Variants in MCHR2 observed in about 807,000 individuals in gnomAD.
MCHR2 encodes melanin concentrating hormone receptor 2, also known as melanin-concentrating hormone receptor 2.
In MCHR2, 15 loss-of-function variants were observed where a neutral mutation model predicts 24.8. That is an observed-to-expected ratio of 0.60 (90% CI 0.40 to 0.93). MCHR2 has a LOEUF of 0.93. Among genes scored for constraint, MCHR2 ranks in the 40% least tolerant of loss-of-function variants. The probability of loss-of-function intolerance (pLI) is 0.00; values close to 1 mark genes in which losing one functional copy is unlikely to be tolerated. For synonymous variants in MCHR2, 151 were observed against 147.6 expected, an observed-to-expected ratio of 1.02 and a Z score of -0.17; for missense variants, 386 against 408.7, an observed-to-expected ratio of 0.94 and a Z score of 0.48.
chr6:99,927,454 C>T (rs1183075500), intron 5 of MCHR2, among the ~76,000 whole-genome samples: 1 of 152,154 alleles, frequency 6.6e-6, no homozygotes, highest in African/African-American at 2.4e-5. Context: ...GATGTTGATT[C>T]TTCCTACCCA....
At position 99,927,698 on chromosome 6, in the gene MCHR2, T is replaced by C. The variant is rs61298210; in HGVS notation, c.708-6443A>G. Reference sequence around the variant, plus strand: ...TGTACGTTGATTTTGTATCCTGAGATTTTGCTGAAGTTGCTTATCAGCTTA... The same window carrying C: ...TGTACGTTGATTTTGTATCCTGAGACTTTGCTGAAGTTGCTTATCAGCTTA... On this transcript the variant is annotated intron_variant, in intron 5 of 5. Transcript: ENST00000281806. Among the ~76,000 whole-genome samples, 1,260 of 152,022 alleles carry C rather than the reference T, an allele frequency of 8.3e-3. 18 individuals are homozygous for C. Among genetic ancestry groups the C allele is most frequent in the African/African-American group, 0.029 (1,216 of 41,432 alleles).
chr6:99,928,960 C>T (rs1774436718), intron 5 of MCHR2, among the ~76,000 whole-genome samples: 1 of 152,006 alleles, frequency 6.6e-6, no homozygotes, highest in Non-Finnish European at 1.5e-5. Context: ...TTCCTGCTTT[C>T]TCTTGTGGGC....
At chr6:99,947,635 C>T in intron 3 of MCHR2, 127 bp downstream of exon 3, 1 of 842,908 alleles carries the variant, frequency 1.2e-6, no homozygotes, top group Non-Finnish European at 1.8e-6. Context: ...GTAATCAGTT[C>T]TACAGTGAAA....
At chr6:99,933,234 C>A (rs1392537644) in intron 5 of MCHR2, among the ~76,000 whole-genome samples, 1 of 152,052 alleles carries the variant, frequency 6.6e-6, no homozygotes, top group Admixed American at 6.6e-5. Flanking sequence ...TATCATTCCT[C>A]TAATTTTTTG....
chr6:99,956,575 G>C (rs1409520803), intron 1 of MCHR2, among the ~76,000 whole-genome samples: 1 of 152,022 alleles, frequency 6.6e-6, no homozygotes, highest in African/African-American at 2.4e-5. Flanking sequence ...TATCCTCTCT[G>C]TCTGCTATAA....
intron 1 of MCHR2, among the ~76,000 whole-genome samples, chr6:99,959,160 A>G (rs1214403596): frequency 4.0e-5 from 6 of 151,308 alleles, no homozygotes; most frequent in African/African-American, 9.8e-5. Flanking sequence ...GATGCCTGGA[A>G]GGCCACTGGG....
At chr6:99,972,937 T>A (rs1441387312) in intron 1 of MCHR2, among the ~76,000 whole-genome samples, 1 of 152,236 alleles carries the variant, frequency 6.6e-6, no homozygotes, top group African/African-American at 2.4e-5. Flanking sequence ...CAGTTTGTTA[T>A]AATTTCTGTT....
chr6:99,956,004 C>T lies in MCHR2; in HGVS notation c.144G>A (p.Gly48=), dbSNP rs141668165. Residue 48 remains glycine (G), a synonymous_variant, in exon 2 of 6, where the codon GGG becomes GGA. Coordinates refer to ENST00000281806, the MANE Select transcript of MCHR2 (RefSeq NM_001040179.2). The stretch of plus-strand genomic sequence containing the variant: ...ATACAATGAGGATGTTGCCAACCAG[C>T]CCTGTTGAACAGATAATCCCAATCA... The part of the protein sequence containing the change: ...PSMIGIICST[G]LVGNILIVFT... The T allele has an allele frequency of 6.2e-7, 1 of 1,611,078 alleles. No individual in the cohort carries two copies. The highest frequency in any genetic ancestry group is 2.2e-5 in the East Asian group (1 of 44,748).
At chr6:99,921,826 G>A (rs982357259) in intron 5 of MCHR2, among the ~76,000 whole-genome samples, 6 of 152,190 alleles carry the variant, frequency 3.9e-5, no homozygotes, top group Admixed American at 1.3e-4. Flanking sequence ...ATGTCCATGA[G>A]TAAAATTGTT....
intron 1 of MCHR2, among the ~76,000 whole-genome samples, chr6:99,986,328 C>A (rs553951092): frequency 6.6e-6 from 1 of 152,134 alleles, no homozygotes; most frequent in East Asian, 1.9e-4. Flanking sequence ...TGGGTATCTA[C>A]CCCTAAAAAA....
rs184217643 is a variant in MCHR2 at position 99,977,060 on chromosome 6, T to A, written c.-28+16876A>T. 2.6e-5 allele frequency among the ~76,000 whole-genome samples: 4 copies of A among 152,356 alleles called. No homozygotes were observed. In the East Asian group the frequency reaches 7.7e-4, roughly 29 times the overall value. On this transcript the variant is annotated intron_variant, in intron 1 of 5. Transcript: ENST00000281806. ...TTATATTTTAGTGATTTTGGTTTGG[T>A]ATAAGTAAATACTTAGCTTTTGATA...
At chr6:99,957,867 C>T (rs372767548) in intron 1 of MCHR2, among the ~76,000 whole-genome samples, 2 of 151,726 alleles carry the variant, frequency 1.3e-5, no homozygotes, top group Admixed American at 6.6e-5. Flanking sequence ...AGAAAAATAC[C>T]AAGTTAATGA....
chr6:99,981,439 C>T (rs9403321), intron 1 of MCHR2, among the ~76,000 whole-genome samples: 50,397 of 114,020 alleles, frequency 0.44, 9,361 homozygotes, highest in South Asian at 0.63. Flanking sequence ...GGAGTCTGGC[C>T]GCTGGGAAAA....
chr6:99,939,308 A>G (rs934225011), intron 4 of MCHR2, among the ~76,000 whole-genome samples: 3 of 151,968 alleles, frequency 2.0e-5, no homozygotes, highest in Middle Eastern at 6.3e-3. Flanking sequence ...TCTCTGGCGG[A>G]ATGTCTTAGT....
chr6:99,991,580 G>T (rs2397688), intron 1 of MCHR2, among the ~76,000 whole-genome samples: 32,172 of 151,964 alleles, frequency 0.21, 3,779 homozygotes, highest in South Asian at 0.42. Flanking sequence ...GGCCGAGGCA[G>T]GTGGATCAGG....
At chr6:99,985,508 C>G (rs1775752926) in intron 1 of MCHR2, among the ~76,000 whole-genome samples, 1 of 152,046 alleles carries the variant, frequency 6.6e-6, no homozygotes, top group South Asian at 2.1e-4. Flanking sequence ...TACAGATAAC[C>G]CAGAAATAAA....
chr6:99,978,170 G>A (rs577515983), intron 1 of MCHR2, among the ~76,000 whole-genome samples: 3 of 152,296 alleles, frequency 2.0e-5, no homozygotes, highest in Admixed American at 6.5e-5. Flanking sequence ...GCATTTCAGC[G>A]GCTCCAGGGA....
At chr6:99,971,840 T>C (rs2114569806) in intron 1 of MCHR2, among the ~76,000 whole-genome samples, 1 of 152,332 alleles carries the variant, frequency 6.6e-6, no homozygotes, top group African/African-American at 2.4e-5. Context: ...TGTCTTTGGT[T>C]CTGTTTATAT....
chr6:99,953,246 G>T (rs1168332764), intron 2 of MCHR2, among the ~76,000 whole-genome samples: 1 of 152,128 alleles, frequency 6.6e-6, no homozygotes, highest in Non-Finnish European at 1.5e-5. Context: ...CACTGAAGAG[G>T]TTTTGCATAT....
Sources: gnomAD v4.1 joint callset for allele counts (sites outside exome capture counted in the v4.1 genomes callset) on GRCh38, gnomAD v4.1.1 for gene constraint, MANE v1.5 for transcripts, NCBI Gene and HGNC (gene_info 2026-07-23, HGNC 2026-07-21) for gene names.